Variants in CNTNAP2 observed in about 807,000 individuals in gnomAD.
The protein encoded by CNTNAP2 is contactin-associated protein-like 2.
A neutral mutation model predicts 155.2 loss-of-function variants in CNTNAP2; 98 were observed. That is an observed-to-expected ratio of 0.63 (90% CI 0.54 to 0.75). The LOEUF (loss-of-function observed/expected upper bound fraction) is 0.75, where lower values mean the gene tolerates loss of function less well. CNTNAP2 is among the 30% of genes least tolerant of loss of function. The pLI is 0.00. For synonymous variants in CNTNAP2, 651 were observed against 631.2 expected, an observed-to-expected ratio of 1.03 and a Z score of -0.47; for missense variants, 1,727 against 1,688.1, an observed-to-expected ratio of 1.02 and a Z score of -0.40.
chr7:147,010,379 G>C (rs966452867), intron 3 of CNTNAP2, among the ~76,000 whole-genome samples: 3 of 151,834 alleles, frequency 2.0e-5, no homozygotes, highest in African/African-American at 7.3e-5. Context: ...GATGAATTTT[G>C]GTTCTTTAGT....
chr7:147,028,281 T>C (rs1376122012), intron 3 of CNTNAP2, among the ~76,000 whole-genome samples: 1 of 152,254 alleles, frequency 6.6e-6, no homozygotes, highest in Non-Finnish European at 1.5e-5. Context: ...AATGAGCTTC[T>C]ATCCTTGAAA....
intron 3 of CNTNAP2, among the ~76,000 whole-genome samples, chr7:146,843,585 C>T (rs1585118549): frequency 7.9e-6 from 1 of 126,930 alleles, no homozygotes; most frequent in South Asian, 2.7e-4. Flanking sequence ...ATGTTTTAAT[C>T]CTTACTAATA....
At chr7:146,416,780 C>CT (rs1348041515) in intron 1 of CNTNAP2, among the ~76,000 whole-genome samples, 8 of 152,078 alleles carry the variant, frequency 5.3e-5, no homozygotes, top group African/African-American at 1.9e-4. Flanking sequence ...GTATCATCTA[C>CT]TTTAAGTTCT....
chr7:147,936,003 T>G (rs1800600118), intron 14 of CNTNAP2, among the ~76,000 whole-genome samples: 1 of 113,640 alleles, frequency 8.8e-6, no homozygotes, highest in Non-Finnish European at 1.9e-5. Context: ...AACTTGAACA[T>G]GCTTTCATGT....
intron 5 of CNTNAP2, among the ~76,000 whole-genome samples, chr7:147,118,313 A>G (rs1357191380): frequency 1.3e-5 from 2 of 152,222 alleles, no homozygotes; most frequent in Non-Finnish European, 2.9e-5. Flanking sequence ...AAGGCAAAAA[A>G]AGAAATGACC....
intron 8 of CNTNAP2, among the ~76,000 whole-genome samples, chr7:147,159,247 A>G (rs1005338391): frequency 6.6e-6 from 1 of 152,128 alleles, no homozygotes; most frequent in African/African-American, 2.4e-5. Context: ...ATTTTATTCT[A>G]TCGAGATCTA....
At chr7:146,973,531 T>A (rs997566677) in intron 3 of CNTNAP2, among the ~76,000 whole-genome samples, 3 of 152,226 alleles carry the variant, frequency 2.0e-5, no homozygotes, top group Admixed American at 1.3e-4. Context: ...AAATATTGAC[T>A]TTTAAGGATA....
At chr7:147,150,148 G>C (rs945481597) in intron 8 of CNTNAP2, among the ~76,000 whole-genome samples, 11 of 152,182 alleles carry the variant, frequency 7.2e-5, no homozygotes, top group Non-Finnish European at 1.6e-4. Flanking sequence ...GCTCAGAGAA[G>C]AGTCAAGGCT....
chr7:147,821,861 T>G (rs1400478386), intron 13 of CNTNAP2, among the ~76,000 whole-genome samples: 1 of 152,136 alleles, frequency 6.6e-6, no homozygotes, highest in African/African-American at 2.4e-5. Flanking sequence ...TACTAAAAGT[T>G]ATTGGAAGTT....
chr7:147,516,098 T>C (rs1388790694), intron 11 of CNTNAP2, among the ~76,000 whole-genome samples: 1 of 152,198 alleles, frequency 6.6e-6, no homozygotes, highest in African/African-American at 2.4e-5. Flanking sequence ...AAAATCTAGA[T>C]GAATTAACAA....
intron 14 of CNTNAP2, among the ~76,000 whole-genome samples, chr7:147,935,391 C>T (rs1047769740): frequency 6.6e-6 from 1 of 152,208 alleles, no homozygotes; most frequent in East Asian, 1.9e-4. Flanking sequence ...TCCCGAAGTG[C>T]TGGGATTACA....
At chr7:147,659,813 T>C (rs958704118) in intron 13 of CNTNAP2, among the ~76,000 whole-genome samples, 1 of 152,240 alleles carries the variant, frequency 6.6e-6, no homozygotes, top group Admixed American at 6.5e-5. Context: ...CATCACTCGA[T>C]GCTGTATTTG....
chr7:148,105,560 G>A (rs948266317), intron 15 of CNTNAP2, among the ~76,000 whole-genome samples: 5 of 151,778 alleles, frequency 3.3e-5, no homozygotes, highest in Non-Finnish European at 5.9e-5. Flanking sequence ...TGAAATGGTC[G>A]GTTTTGCATT....
rs768771644 is a variant in CNTNAP2, at chr7:147,186,849, C to T, written c.1348+54340C>T. ...CTAAGGATAGAAATGCAGGTTTGGT[C>T]CAGTTGAAGAAGGCACTTGATCTTT... On this transcript the variant is annotated intron_variant, in intron 8 of 23. Transcript: ENST00000361727. 1.2e-4 allele frequency among the ~76,000 whole-genome samples: 19 copies of T among 152,034 alleles called. 2 individuals carry two copies. The highest frequency in any genetic ancestry group is 2.6e-4 in the Admixed American group (4 of 15,246).
At chr7:146,568,393 C>T (rs865951191) in intron 1 of CNTNAP2, among the ~76,000 whole-genome samples, 1 of 152,132 alleles carries the variant, frequency 6.6e-6, no homozygotes, top group Non-Finnish European at 1.5e-5. Flanking sequence ...ACATTTTAGT[C>T]CACCTATTTT....
intron 4 of CNTNAP2, chr7:147,097,457 A>G (rs1169049756): frequency 1.3e-5 from 2 of 152,236 alleles, no homozygotes; most frequent in Non-Finnish European, 2.9e-5. Flanking sequence ...GGGAGGCCTC[A>G]CCATCATGGC....
At chr7:146,894,896 T>C (rs1795845189) in intron 3 of CNTNAP2, among the ~76,000 whole-genome samples, 1 of 152,136 alleles carries the variant, frequency 6.6e-6, no homozygotes, top group South Asian at 2.1e-4. Context: ...GAAAAACTTT[T>C]TGAAAACACT....
chr7:148,145,543 G>T (rs1805162158), intron 16 of CNTNAP2, among the ~76,000 whole-genome samples: 1 of 152,140 alleles, frequency 6.6e-6, no homozygotes, highest in Non-Finnish European at 1.5e-5. Context: ...GGCAGTTGAT[G>T]CCTTTAAAAT....
rs573346540 is a variant in CNTNAP2, at chr7:147,508,171, A to T, written c.1777+22130A>T. On this transcript the variant is annotated intron_variant, in intron 11 of 23. Coordinates refer to ENST00000361727, the MANE Select transcript of CNTNAP2 (RefSeq NM_014141.6). ...GACCAGCACATAGTAGAAATGTAAT[A>T]AATTATTATTGAATGAATGATGTCT... 2.6e-5 allele frequency among the ~76,000 whole-genome samples: 4 copies of T among 152,338 alleles called. No homozygotes were observed. In the South Asian group the frequency reaches 8.3e-4, roughly 32 times the overall value.
Sources: allele counts gnomAD v4.1 joint callset (sites outside exome capture counted in the v4.1 genomes callset), GRCh38; gene constraint gnomAD v4.1.1; transcripts MANE v1.5; gene names NCBI Gene and HGNC (gene_info 2026-07-23, HGNC 2026-07-21).